Variants in INCA1 observed in about 807,000 individuals in gnomAD.
INCA1 encodes inhibitor of CDK, cyclin A1 interacting protein 1.
A neutral mutation model predicts 25.7 loss-of-function variants in INCA1; 28 were observed. The observed-to-expected ratio is 1.09, with a 90% CI of 0.81 to 1.49. The LOEUF (loss-of-function observed/expected upper bound fraction) is 1.49. Among genes scored for constraint, INCA1 ranks in the 40% most tolerant of loss-of-function variants. INCA1 has a pLI of 0.00. For synonymous variants in INCA1, 111 were observed against 103.6 expected (o/e 1.07, Z -0.43); for missense variants, 309 against 290.9 (o/e 1.06, Z -0.45).
At chr17:4,988,740 A>G (rs1246360611) in intron 6 of INCA1, 39 bp downstream of exon 6, 14 of 1,611,184 alleles carry the variant, frequency 8.7e-6, no homozygotes, top group Non-Finnish European at 7.6e-6. Flanking sequence ...AGAGACCCAC[A>G]TCACTCCCTC....
intron 4 of INCA1, 53 bp from the exon 5 acceptor site, chr17:4,989,677 G>A (rs940957975): frequency 1.2e-6 from 2 of 1,602,196 alleles, no homozygotes; most frequent in African/African-American, 1.3e-5. Context: ...GCTCTCTCAA[G>A]GGAGCTTGGA....
At chr17:4,989,849 T>C (rs1310624698) in intron 4 of INCA1, 41 bp downstream of exon 4, 11 of 1,614,022 alleles carry the variant, frequency 6.8e-6, no homozygotes, top group Non-Finnish European at 9.3e-6. Context: ...GTGGGTGCAA[T>C]TTTAACAGAG....
At chr17:4,992,587 A>T (rs890914092) in intron 2 of INCA1, among the ~76,000 whole-genome samples, 6 of 143,250 alleles carry the variant, frequency 4.2e-5, no homozygotes, top group African/African-American at 1.6e-4. Context: ...CCCGGCCTAT[A>T]CTTGTTTTAT....
In INCA1 at chr17:4,991,984, TC is replaced by T. The variant is rs1417497713; in HGVS notation, c.45-1720del. On this transcript the variant is annotated intron_variant, in intron 2 of 6. Coordinates refer to ENST00000576820, the Ensembl canonical transcript of INCA1. ...CCCCCCGTCTCTGCTTCCATTCCCA[TC>T]CCCCAACAATATATTCTGCACAGAA... Among the ~76,000 whole-genome samples the T allele has an allele frequency of 4.6e-5, 7 of 151,868 alleles. No homozygotes were observed. In the East Asian group the frequency reaches 1.4e-3, roughly 29 times the overall value.
chr17:4,990,776 G>A (rs1973818476), intron 2 of INCA1, among the ~76,000 whole-genome samples: 1 of 150,650 alleles, frequency 6.6e-6, no homozygotes, highest in Non-Finnish European at 1.5e-5. Flanking sequence ...CCAGCTACTC[G>A]GGAGGCTGAG....
chr17:4,989,126 A>G (rs1483646425), intron 5 of INCA1, among the ~76,000 whole-genome samples, 182 bp from the exon 6 acceptor site: 2 of 152,152 alleles, frequency 1.3e-5, no homozygotes, highest in East Asian at 3.9e-4. Flanking sequence ...CTAGGAACCC[A>G]GAGGTGACCC....
At chr17:4,993,725 C>T (rs2143229509) in intron 2 of INCA1, among the ~76,000 whole-genome samples, 1 of 151,540 alleles carries the variant, frequency 6.6e-6, no homozygotes, top group South Asian at 2.1e-4. Flanking sequence ...ACCTCGGCCT[C>T]CCAAAGTGCT....
At chr17:4,993,554 C>G (rs1262276495) in intron 2 of INCA1, among the ~76,000 whole-genome samples, 1 of 136,918 alleles carries the variant, frequency 7.3e-6, no homozygotes, top group Non-Finnish European at 1.6e-5. Flanking sequence ...TTGCAAGGTC[C>G]GCCTCCTGGG....
chr17:4,988,807 T>C (rs769214786), exon 6 of INCA1: 6 of 1,614,160 alleles, frequency 3.7e-6, no homozygotes, highest in Admixed American at 1.7e-5. Flanking sequence ...GAGAAAACGG[T>C]CCTCTTCCTG....
At chr17:4,988,410 C>T (rs1973519975) in exon 7 of INCA1, 2 of 1,600,982 alleles carry the variant, frequency 1.2e-6, no homozygotes, top group African/African-American at 1.4e-5. Flanking sequence ...TCTCCTTACT[C>T]TTCAGACGCT....
intron 3 of INCA1, 101 bp from the exon 4 acceptor site, chr17:4,990,030 T>C: frequency 6.2e-7 from 1 of 1,612,282 alleles, no homozygotes; most frequent in South Asian, 1.1e-5. Context: ...CATTAGGAGC[T>C]ACAATGTCCA....
At chr17:4,994,884 G>A (rs1204764739) in intron 1 of INCA1, among the ~76,000 whole-genome samples, 1 of 151,514 alleles carries the variant, frequency 6.6e-6, no homozygotes, top group Non-Finnish European at 1.5e-5. Flanking sequence ...AAGAATGTAT[G>A]GATGCTGAAA....
intron 2 of INCA1, among the ~76,000 whole-genome samples, chr17:4,990,640 G>A (rs1015338041): frequency 7.9e-5 from 12 of 151,976 alleles, no homozygotes; most frequent in Admixed American, 5.2e-4. Flanking sequence ...CCAGCACTTT[G>A]GGAGGCTGAT....
intron 6 of INCA1, 42 bp from the exon 7 acceptor site, chr17:4,988,596 G>A: frequency 6.2e-7 from 1 of 1,605,774 alleles, no homozygotes; most frequent in Non-Finnish European, 8.5e-7. Context: ...TGGAAAAGTA[G>A]GTCTTCTTTC....
rs149206445 is a variant in INCA1 at position 4,990,246 on chromosome 17, G to A, written c.64C>T (p.Arg22Ter). ...GAAGGCAACCTTGGGGGTGGAGATC[G>A]GCTGACCACCCTGGAACACCTGAGG... Residue 22 changes from arginine to a stop codon, truncating the protein, a stop_gained, in exon 3 of 7, where the codon CGA becomes TGA. Coordinates refer to ENST00000576820, the Ensembl canonical transcript of INCA1. LOFTEE classifies it high-confidence loss of function. 1.6e-3 allele frequency: 2,544 copies of A among 1,613,738 alleles called. 37 individuals are homozygous for A. The highest frequency in any genetic ancestry group is 4.3e-3 in the Middle Eastern group (26 of 6,062).
intron 2 of INCA1, among the ~76,000 whole-genome samples, chr17:4,992,626 C>T (rs1331153541): frequency 2.1e-5 from 3 of 144,534 alleles, no homozygotes; most frequent in Non-Finnish European, 4.6e-5. Flanking sequence ...TCCTCTCCTC[C>T]CCTCTCCTCC....
chr17:4,990,792 A>G (rs529457859), intron 2 of INCA1, among the ~76,000 whole-genome samples: 1 of 150,590 alleles, frequency 6.6e-6, no homozygotes, highest in South Asian at 2.1e-4. Flanking sequence ...CTGAGGCAGG[A>G]GAATCACTTG....
At chr17:4,995,203 CAA>C (rs747828645) in intron 1 of INCA1, among the ~76,000 whole-genome samples, 24 of 123,478 alleles carry the variant, frequency 1.9e-4, no homozygotes, top group African/African-American at 5.1e-4. Flanking sequence ...GACTCTGTCT[CAA>C]AAAAAAAAAA....
chr17:4,991,025 T>C (rs1240103589), intron 2 of INCA1, among the ~76,000 whole-genome samples: 1 of 150,944 alleles, frequency 6.6e-6, no homozygotes, highest in Non-Finnish European at 1.5e-5. Flanking sequence ...TTCAAGTGAT[T>C]CTCCTGCCTC....
Sources: allele counts gnomAD v4.1 joint callset (sites outside exome capture counted in the v4.1 genomes callset), GRCh38; gene constraint gnomAD v4.1.1; transcripts MANE v1.5; gene names NCBI Gene and HGNC (gene_info 2026-07-23, HGNC 2026-07-21).